Variants in KCNH7 observed in about 807,000 individuals in gnomAD.
The protein encoded by KCNH7 is potassium voltage-gated channel subfamily H member 7.
KCNH7 carries 49 observed loss-of-function variants against 120.8 expected under a neutral mutation model. The observed-to-expected ratio is 0.41, with a 90% confidence interval of 0.32 to 0.51. KCNH7 has a LOEUF of 0.51. Among genes scored for constraint, KCNH7 ranks in the 20% least tolerant of loss-of-function variants. The probability of loss-of-function intolerance (pLI) is 0.38; values close to 1 mark genes in which losing one functional copy is unlikely to be tolerated. For missense variants in KCNH7, 1,097 were observed against 1,446.6 expected (o/e 0.76, Z 3.92); for synonymous variants, 547 against 516.1 (o/e 1.06, Z -0.81).
rs1691124363 is a variant in KCNH7, at chr2:162,512,780, T to C, written c.893-106A>G. The C allele has an allele frequency of 8.0e-6, 7 of 869,858 alleles. No homozygotes were observed. In the East Asian group the frequency reaches 1.6e-4, roughly 20 times the overall value. 53.9% of individuals were successfully genotyped at this position (869,858 alleles called of 1,614,324 possible). ...ATAAAAACAATCAGAGAAATCAGAA[T>C]ATGATGGAAAATTTCTCTTTAATTG... On this transcript the variant is annotated intron_variant, in intron 4 of 15. Transcript: ENST00000332142.
chr2:162,691,275 C>A (rs4091356), intron 2 of KCNH7, among the ~76,000 whole-genome samples: 2 of 151,940 alleles, frequency 1.3e-5, no homozygotes, highest in East Asian at 3.9e-4. Context: ...ACCACTGTTA[C>A]GATTTAACTT....
chr2:162,660,181 C>A (rs749215689), intron 2 of KCNH7, among the ~76,000 whole-genome samples: 31 of 151,878 alleles, frequency 2.0e-4, no homozygotes, highest in Admixed American at 7.9e-4. Flanking sequence ...ATTTCATTTG[C>A]TCTTCTTTTC....
intron 2 of KCNH7, among the ~76,000 whole-genome samples, chr2:162,586,166 G>A (rs931682512): frequency 5.9e-5 from 9 of 151,948 alleles, no homozygotes; most frequent in African/African-American, 1.7e-4. Context: ...TGACATCACT[G>A]CTTTACCCTC....
intron 2 of KCNH7, among the ~76,000 whole-genome samples, chr2:162,676,320 T>C (rs966131241): frequency 6.6e-6 from 1 of 151,562 alleles, no homozygotes; most frequent in African/African-American, 2.4e-5. Flanking sequence ...AATCTCTTGG[T>C]AAATCTCATT....
In KCNH7 at chr2:162,577,594, G is replaced by T. The variant is rs1473354780; in HGVS notation, c.308-40514C>A. ...TTCCCCATTCCTATGATTTTCTTCT[G>T]CAACTTTAGCCAAGGCACATAATCT... On this transcript the variant is annotated intron_variant, in intron 2 of 15. Transcript: ENST00000332142. Among the ~76,000 whole-genome samples, 4 of 152,028 alleles carry T rather than the reference G, an allele frequency of 2.6e-5. No homozygotes were observed. In the East Asian group the frequency reaches 7.8e-4, roughly 30 times the overall value.
At chr2:162,810,666 A>G (rs1684705200) in intron 2 of KCNH7, among the ~76,000 whole-genome samples, 1 of 152,156 alleles carries the variant, frequency 6.6e-6, no homozygotes, top group Admixed American at 6.5e-5. Flanking sequence ...CCCTCTTGGG[A>G]GACTTGGTGA....
intron 2 of KCNH7, among the ~76,000 whole-genome samples, chr2:162,835,111 A>G (rs1423366632): frequency 6.6e-6 from 1 of 152,144 alleles, no homozygotes; most frequent in Non-Finnish European, 1.5e-5. Flanking sequence ...CAGAACAATT[A>G]GGCTATTTCT....
intron 8 of KCNH7, among the ~76,000 whole-genome samples, chr2:162,429,443 G>A (rs967611337): frequency 1.4e-5 from 1 of 70,788 alleles, no homozygotes; most frequent in East Asian, 3.0e-4. Flanking sequence ...TCGTTCCTTT[G>A]TGTTGATCCA....
At chr2:162,444,647 CTAA>C (rs1427412348) in intron 7 of KCNH7, among the ~76,000 whole-genome samples, 1 of 152,114 alleles carries the variant, frequency 6.6e-6, no homozygotes, top group Admixed American at 6.6e-5. Context: ...CTACAAATCA[CTAA>C]TGTTTGCTGT....
At chr2:162,732,127 A>G (rs1477653574) in intron 2 of KCNH7, among the ~76,000 whole-genome samples, 2 of 152,000 alleles carry the variant, frequency 1.3e-5, no homozygotes, top group Non-Finnish European at 2.9e-5. Flanking sequence ...AGGGAGCAAG[A>G]TGCACTGGCA....
intron 2 of KCNH7, among the ~76,000 whole-genome samples, chr2:162,578,087 C>G (rs1354187450): frequency 6.6e-6 from 1 of 151,928 alleles, no homozygotes; most frequent in Non-Finnish European, 1.5e-5. Flanking sequence ...ACTATGGAGA[C>G]AAGCCCCTAG....
intron 2 of KCNH7, among the ~76,000 whole-genome samples, chr2:162,803,747 A>G (rs1023521325): frequency 6.6e-6 from 1 of 151,760 alleles, no homozygotes; most frequent in Non-Finnish European, 1.5e-5. Context: ...ATTTAGCATA[A>G]AAAAGGAACA....
At chr2:162,449,523 G>A (rs1688695309) in intron 6 of KCNH7, among the ~76,000 whole-genome samples, 1 of 151,978 alleles carries the variant, frequency 6.6e-6, no homozygotes, top group African/African-American at 2.4e-5. Flanking sequence ...TGAGGTCACA[G>A]TGGTTTGGGG....
intron 2 of KCNH7, among the ~76,000 whole-genome samples, chr2:162,746,779 A>G (rs906876194): frequency 6.6e-6 from 1 of 152,296 alleles, no homozygotes; most frequent in South Asian, 2.1e-4. Context: ...TGGATAGTAT[A>G]ATTATCACAG....
Position 162,792,531 on chromosome 2 carries a change from A to G in KCNH7, c.307+44006T>C, listed in dbSNP as rs572254512. 2.0e-5 allele frequency among the ~76,000 whole-genome samples: 3 copies of G among 151,790 alleles called. No homozygotes were observed. The East Asian group carries it at 5.8e-4, about 29-fold the overall frequency. ...CTTAGAGTGTATGTGTGTCCAGGAA[A>G]TTATCCATTTCTTCTAAATTTTCTA... On this transcript the variant is annotated intron_variant, in intron 2 of 15. Transcript: ENST00000332142.
intron 2 of KCNH7, among the ~76,000 whole-genome samples, chr2:162,608,206 G>A (rs1442251062): frequency 6.6e-6 from 1 of 152,162 alleles, no homozygotes; most frequent in Non-Finnish European, 1.5e-5. Context: ...AAATAGTTCA[G>A]CCAGTCGGAT....
At chr2:162,761,463 T>C (rs1688963598) in intron 2 of KCNH7, among the ~76,000 whole-genome samples, 1 of 152,130 alleles carries the variant, frequency 6.6e-6, no homozygotes. Context: ...AGGGTTTCTG[T>C]CTGGTGACAG....
chr2:162,591,060 TCTGACTGCATTTC>T (rs1474214642), intron 2 of KCNH7, among the ~76,000 whole-genome samples: 1 of 152,066 alleles, frequency 6.6e-6, no homozygotes, highest in Non-Finnish European at 1.5e-5. Flanking sequence ...GTTCTTCCTT[TCTGACTGCATTTC>T]CCGAGCTCTT....
intron 2 of KCNH7, among the ~76,000 whole-genome samples, chr2:162,833,892 T>C (rs1200605043): frequency 6.6e-6 from 1 of 152,194 alleles, no homozygotes; most frequent in African/African-American, 2.4e-5. Context: ...TATCAACTTT[T>C]TGTTAATTTG....
Sources: gnomAD v4.1 joint callset for allele counts (sites outside exome capture counted in the v4.1 genomes callset) on GRCh38, gnomAD v4.1.1 for gene constraint, MANE v1.5 for transcripts, NCBI Gene and HGNC (gene_info 2026-07-23, HGNC 2026-07-21) for gene names.